HDAC4: variants seen among roughly 807,000 people sequenced by gnomAD.
HDAC4 encodes histone deacetylase 4.
In HDAC4, 16 loss-of-function variants were observed where a neutral mutation model predicts 135.1. The observed-to-expected ratio is 0.12, with a 90% CI of 0.08 to 0.18. HDAC4 has a LOEUF of 0.18. Among genes scored for constraint, HDAC4 ranks in the 10% least tolerant of loss-of-function variants. The probability of loss-of-function intolerance (pLI) is 1.00; values close to 1 mark genes in which losing one functional copy is unlikely to be tolerated. For synonymous variants in HDAC4, 685 were observed against 653.4 expected (o/e 1.05, Z -0.74); for missense variants, 1,143 against 1,511.8 (o/e 0.76, Z 4.05).
chr2:239,190,898 A>G, intron 3 of HDAC4: 1 of 455,468 alleles, frequency 2.2e-6, no homozygotes, highest in Non-Finnish European at 4.6e-6. Flanking sequence ...TAAATTACAG[A>G]TATCACAAAC....
intron 12 of HDAC4, among the ~76,000 whole-genome samples, chr2:239,125,966 T>C (rs1026852784): frequency 2.0e-5 from 3 of 152,268 alleles, no homozygotes; most frequent in African/African-American, 7.2e-5. Flanking sequence ...ACGCTGCTCA[T>C]GCACTCAGGC....
In HDAC4 at chr2:239,051,419, G is replaced by GT. The variant is rs2030830319; in HGVS notation, c.*1677dup. 6.6e-6 allele frequency: 1 copy of GT among 151,934 alleles called. No homozygotes were observed. The highest frequency in any genetic ancestry group is 6.6e-5 in the Admixed American group (1 of 15,248). The allele number at this position is 151,934 out of a possible 1,614,324, so 9.4% of individuals were successfully genotyped here. A position where few individuals can be genotyped will look rare whatever the true frequency, so the allele number is the denominator to read the frequency against. ...AAAAATAATTAAAAACCTTTGAAAG[G>GT]TAAAAAAAAATGTACAAGCAAGAAT... On this transcript the variant is annotated 3_prime_UTR_variant, in exon 27 of 27. Coordinates refer to ENST00000543185, the MANE Select transcript of HDAC4 (RefSeq NM_001378414.1).
At chr2:239,346,662 A>G (rs977708204) in intron 2 of HDAC4, among the ~76,000 whole-genome samples, 1 of 150,810 alleles carries the variant, frequency 6.6e-6, no homozygotes, top group Non-Finnish European at 1.5e-5. Context: ...CCATATCTTA[A>G]TACAGTCTAA....
intron 23 of HDAC4, among the ~76,000 whole-genome samples, chr2:239,067,271 C>T (rs370569530): frequency 3.9e-5 from 6 of 152,134 alleles, no homozygotes; most frequent in South Asian, 2.1e-4. Context: ...GCTCCTGAAG[C>T]GTTCTCCCAC....
At chr2:239,200,127 G>C (rs183564876) in intron 3 of HDAC4, among the ~76,000 whole-genome samples, 1 of 152,166 alleles carries the variant, frequency 6.6e-6, no homozygotes, top group Non-Finnish European at 1.5e-5. Flanking sequence ...GGTAAGCGCT[G>C]TTATTGGGTT....
At chr2:239,191,069 C>A in intron 3 of HDAC4, 1 of 448,878 alleles carries the variant, frequency 2.2e-6, no homozygotes, top group Non-Finnish European at 4.6e-6. Flanking sequence ...ACTGAGAGTC[C>A]AAGTGAGAGC....
At chr2:239,316,712 T>A (rs2053128248) in intron 2 of HDAC4, among the ~76,000 whole-genome samples, 1 of 152,048 alleles carries the variant, frequency 6.6e-6, no homozygotes, top group South Asian at 2.1e-4. Flanking sequence ...GAAGAGGAGT[T>A]CCCTGTAGGA....
chr2:239,246,721 G>A (rs1054618399), intron 2 of HDAC4, among the ~76,000 whole-genome samples: 7 of 152,252 alleles, frequency 4.6e-5, no homozygotes, highest in Non-Finnish European at 1.0e-4. Flanking sequence ...ACAACACGGA[G>A]AGACAGCTCT....
intron 4 of HDAC4, among the ~76,000 whole-genome samples, chr2:239,183,638 C>T (rs2044297500): frequency 6.6e-6 from 1 of 152,194 alleles, no homozygotes; most frequent in African/African-American, 2.4e-5. Context: ...CGAGGTCTTC[C>T]CGTCTATTCT....
At chr2:239,122,985 C>T (rs1288617867) in intron 12 of HDAC4, among the ~76,000 whole-genome samples, 1 of 152,026 alleles carries the variant, frequency 6.6e-6, no homozygotes, top group Non-Finnish European at 1.5e-5. Flanking sequence ...GTTAGGCGGC[C>T]CTGGGCAAGA....
intron 13 of HDAC4, among the ~76,000 whole-genome samples, chr2:239,114,658 T>G (rs2038968941): frequency 6.6e-6 from 1 of 152,206 alleles, no homozygotes; most frequent in African/African-American, 2.4e-5. Context: ...AGGTCTTGAC[T>G]TCTGATCAGG....
chr2:239,205,860 G>GT (rs146027234), intron 3 of HDAC4, among the ~76,000 whole-genome samples: 1 of 152,322 alleles, frequency 6.6e-6, no homozygotes, highest in East Asian at 1.9e-4. Context: ...TAACCCACGT[G>GT]TTGTAGAGGT....
intron 9 of HDAC4, among the ~76,000 whole-genome samples, chr2:239,136,625 G>A (rs2040975808): frequency 6.6e-6 from 1 of 152,214 alleles, no homozygotes; most frequent in South Asian, 2.1e-4. Flanking sequence ...GGGGAAACAT[G>A]TGCAAGCCAT....
chr2:239,100,296 T>C (rs375285663), intron 16 of HDAC4, among the ~76,000 whole-genome samples: 6 of 152,250 alleles, frequency 3.9e-5, no homozygotes, highest in African/African-American at 1.2e-4. Context: ...CACTTCCCAG[T>C]TTCCCAGAGC....
chr2:239,091,194 CGACA>C (rs1321831926), intron 17 of HDAC4: 8 of 152,250 alleles, frequency 5.3e-5, no homozygotes, highest in Admixed American at 1.3e-4. Context: ...GGAGGAAAGT[CGACA>C]GACAGAGACC....
intron 2 of HDAC4, among the ~76,000 whole-genome samples, chr2:239,283,683 G>T (rs909734263): frequency 1.3e-5 from 2 of 152,164 alleles, no homozygotes; most frequent in Non-Finnish European, 1.5e-5. Context: ...TTTTCATAAC[G>T]GCTGTGTTTG....
chr2:239,078,982 G>A lies in HDAC4; in HGVS notation c.2750+2113C>T, dbSNP rs185126740. On this transcript the variant is annotated intron_variant, in intron 22 of 26. Transcript: ENST00000543185. ...GGCCACAGTGGGCCCTGGGTCCCCC[G>A]GGTGGCACCAGTGTTCACTCAGGCA... Among the ~76,000 whole-genome samples, 5 of 152,336 alleles carry A rather than the reference G, an allele frequency of 3.3e-5. No individual in the cohort carries two copies. In the East Asian group the frequency reaches 7.7e-4, roughly 24 times the overall value.
At chr2:239,391,674 G>A (rs1028172221) in intron 1 of HDAC4, among the ~76,000 whole-genome samples, 10 of 152,312 alleles carry the variant, frequency 6.6e-5, no homozygotes, top group African/African-American at 2.4e-4. Context: ...CAGAGCCATG[G>A]AACACAGGAC....
At chr2:239,106,275 G>C (rs1273627265) in intron 15 of HDAC4, among the ~76,000 whole-genome samples, 2 of 152,128 alleles carry the variant, frequency 1.3e-5, no homozygotes, top group African/African-American at 4.8e-5. Flanking sequence ...CATTTGCTTT[G>C]CTTTTCTGGC....
Sources: allele counts gnomAD v4.1 joint callset (sites outside exome capture counted in the v4.1 genomes callset), GRCh38; gene constraint gnomAD v4.1.1; transcripts MANE v1.5; gene names NCBI Gene and HGNC (gene_info 2026-07-23, HGNC 2026-07-21).